Variants in PCDH15 observed in about 807,000 individuals in gnomAD.
PCDH15 encodes protocadherin related 15.
A neutral mutation model predicts 178.5 loss-of-function variants in PCDH15; 129 were observed. The ratio of observed to expected loss-of-function variants is 0.72; its 90% CI spans 0.63 to 0.84. The LOEUF (loss-of-function observed/expected upper bound fraction) is 0.84. PCDH15 is among the 40% of genes least tolerant of loss of function. The pLI is 0.00. For synonymous variants in PCDH15, 800 were observed against 732.0 expected (o/e 1.09, Z -1.50); for missense variants, 2,230 against 2,099.9 (o/e 1.06, Z -1.21).
intron 1 of PCDH15, among the ~76,000 whole-genome samples, chr10:54,758,010 G>A (rs976058455): frequency 6.6e-6 from 1 of 151,948 alleles, no homozygotes; most frequent in Non-Finnish European, 1.5e-5. Context: ...TGTAATCAAA[G>A]GACCACTGAC....
At chr10:54,610,626 T>C (rs1396433539) in intron 2 of PCDH15, among the ~76,000 whole-genome samples, 1 of 151,972 alleles carries the variant, frequency 6.6e-6, no homozygotes, top group African/African-American at 2.4e-5. Flanking sequence ...TATTCTGTCT[T>C]AGACTACTTA....
chr10:55,392,357 G>A (rs985404456), intron 2 of PCDH15, among the ~76,000 whole-genome samples: 1 of 152,058 alleles, frequency 6.6e-6, no homozygotes, highest in Non-Finnish European at 1.5e-5. Context: ...AACAAAGTAT[G>A]CTTGTATTAA....
chr10:54,578,356 C>T (rs968404307), intron 2 of PCDH15, among the ~76,000 whole-genome samples: 11 of 152,040 alleles, frequency 7.2e-5, no homozygotes, highest in African/African-American at 2.7e-4. Context: ...CTCATTATAA[C>T]ATTGTGACAT....
intron 20 of PCDH15, among the ~76,000 whole-genome samples, chr10:53,998,246 T>C (rs1441176249): frequency 6.6e-6 from 1 of 152,184 alleles, no homozygotes; most frequent in Admixed American, 6.5e-5. Flanking sequence ...TGGTAAAAAT[T>C]TTTATTGGTC....
chr10:55,251,091 A>G (rs1205574475), intron 1 of PCDH15, among the ~76,000 whole-genome samples: 2 of 152,112 alleles, frequency 1.3e-5, no homozygotes, highest in Non-Finnish European at 2.9e-5. Context: ...AAAACTTGCA[A>G]AAATTATAGT....
At chr10:55,518,995 G>C (rs1841087610) in intron 2 of PCDH15, among the ~76,000 whole-genome samples, 1 of 148,964 alleles carries the variant, frequency 6.7e-6, no homozygotes, top group Non-Finnish European at 1.5e-5. Context: ...TCAGGAGCCT[G>C]AGGCAGAAGA....
chr10:55,191,276 T>C (rs1298544088), intron 1 of PCDH15, among the ~76,000 whole-genome samples: 3 of 151,800 alleles, frequency 2.0e-5, no homozygotes, highest in African/African-American at 7.3e-5. Context: ...AGGATCACTT[T>C]TTATCTACTT....
intron 2 of PCDH15, among the ~76,000 whole-genome samples, chr10:54,988,430 A>G (rs1422701435): frequency 2.0e-5 from 3 of 152,210 alleles, no homozygotes; most frequent in African/African-American, 7.2e-5. Context: ...GACGTGGGAA[A>G]GTTTGGAACT....
intron 3 of PCDH15, among the ~76,000 whole-genome samples, chr10:54,519,027 ACT>A (rs2082544902): frequency 1.3e-5 from 2 of 152,168 alleles, no homozygotes; most frequent in Admixed American, 6.5e-5. Context: ...CATGCTAAAA[ACT>A]CTCAATAAAT....
intron 2 of PCDH15, among the ~76,000 whole-genome samples, chr10:54,649,706 C>G (rs1389686940): frequency 6.6e-6 from 1 of 152,120 alleles, no homozygotes; most frequent in African/African-American, 2.4e-5. Context: ...TTTGTCTACA[C>G]ATATAATTTA....
At chr10:55,323,108 A>C (rs148391558), upstream of PCDH15, among the ~76,000 whole-genome samples, 1 of 152,194 alleles carries the variant, frequency 6.6e-6, no homozygotes, top group East Asian at 1.9e-4. Flanking sequence ...GCAGTTTCCA[A>C]GTCTTGGCAG....
intron 10 of PCDH15, among the ~76,000 whole-genome samples, chr10:54,199,116 A>G (rs993916567): frequency 2.1e-4 from 32 of 152,172 alleles, no homozygotes; most frequent in Non-Finnish European, 8.8e-5. Flanking sequence ...ATCTATAAAA[A>G]TTACATATAA....
chr10:54,175,622 A>G (rs938886027), intron 13 of PCDH15, among the ~76,000 whole-genome samples: 1 of 152,150 alleles, frequency 6.6e-6, no homozygotes, highest in African/African-American at 2.4e-5. Context: ...AAGATTGGAA[A>G]ACTGAGGTAC....
At chr10:54,500,040 A>G (rs2137382964) in intron 3 of PCDH15, among the ~76,000 whole-genome samples, 1 of 152,322 alleles carries the variant, frequency 6.6e-6, no homozygotes, top group East Asian at 1.9e-4. Flanking sequence ...AAATGGAATC[A>G]GCCCAGATGC....
chr10:55,235,396 T>C (rs1841349431), intron 1 of PCDH15, among the ~76,000 whole-genome samples: 1 of 152,162 alleles, frequency 6.6e-6, no homozygotes, highest in Admixed American at 6.5e-5. Flanking sequence ...AAGCTGTCTT[T>C]GTACTTTATA....
At chr10:53,836,376 G>C (rs973523067) in intron 29 of PCDH15, among the ~76,000 whole-genome samples, 1 of 152,058 alleles carries the variant, frequency 6.6e-6, no homozygotes, top group Non-Finnish European at 1.5e-5. Context: ...TATAAGAGTG[G>C]AACCCAGCAG....
In PCDH15 at chr10:54,090,547, G is replaced by A. The variant is rs552872102; in HGVS notation, c.1918-484C>T. ...TAACCCCAGCTACTTGGGAGGCTGAGGCAGGAGAATTGCTTGAACCCGGGA... is the reference window on the plus strand; with the variant it reads ...TAACCCCAGCTACTTGGGAGGCTGAAGCAGGAGAATTGCTTGAACCCGGGA... On this transcript the variant is annotated intron_variant, in intron 15 of 37. Coordinates refer to ENST00000644397, the MANE Select transcript of PCDH15 (RefSeq NM_001384140.1). Among the ~76,000 whole-genome samples, 32 of 151,664 alleles carry A rather than the reference G, an allele frequency of 2.1e-4. 2 individuals carry two copies. The South Asian group carries it at 6.7e-3, about 32-fold the overall frequency.
At chr10:54,814,577 T>C (rs569636154) in intron 3 of PCDH15, among the ~76,000 whole-genome samples, 1 of 152,170 alleles carries the variant, frequency 6.6e-6, no homozygotes, top group African/African-American at 2.4e-5. Flanking sequence ...CAAGTCCTTA[T>C]TGTAACATAA....
At chr10:54,145,166 C>A (rs966879837) in intron 14 of PCDH15, among the ~76,000 whole-genome samples, 4 of 151,896 alleles carry the variant, frequency 2.6e-5, no homozygotes, top group African/African-American at 9.7e-5. Flanking sequence ...ACTTAAGATA[C>A]TTTAAGTTTG....
Sources: allele counts gnomAD v4.1 joint callset (sites outside exome capture counted in the v4.1 genomes callset), GRCh38; gene constraint gnomAD v4.1.1; transcripts MANE v1.5; gene names NCBI Gene and HGNC (gene_info 2026-07-23, HGNC 2026-07-21).